The following SEMA3A variants were observed in gnomAD, a reference collection of about 807,000 sequenced individuals.
The protein encoded by SEMA3A is semaphorin 3A.
Under a neutral mutation model 97.9 loss-of-function variants are expected in SEMA3A, and 29 were observed. The observed-to-expected ratio is 0.30, with a 90% CI of 0.22 to 0.40. The LOEUF (loss-of-function observed/expected upper bound fraction) is 0.40. SEMA3A is among the 10% of genes least tolerant of loss of function. The pLI is 1.00. For synonymous variants in SEMA3A, 321 were observed against 323.7 expected, an observed-to-expected ratio of 0.99 and a Z score of 0.09; for missense variants, 763 against 951.3, an observed-to-expected ratio of 0.80 and a Z score of 2.60.
intron 1 of SEMA3A, among the ~76,000 whole-genome samples, chr7:84,455,685 T>C (rs1805669533): frequency 1.3e-5 from 2 of 151,996 alleles, no homozygotes; most frequent in African/African-American, 4.8e-5. Flanking sequence ...TACAGTTGTG[T>C]ACAATTAAGA....
At chr7:84,344,642 G>T (rs760024213) in intron 2 of SEMA3A, among the ~76,000 whole-genome samples, 2 of 152,204 alleles carry the variant, frequency 1.3e-5, no homozygotes, top group Non-Finnish European at 2.9e-5. Flanking sequence ...TTTGTTTGCA[G>T]TGTGCTCTGT....
chr7:84,249,057 C>A (rs149719793), intron 3 of SEMA3A, among the ~76,000 whole-genome samples: 2 of 152,222 alleles, frequency 1.3e-5, no homozygotes, highest in Admixed American at 6.5e-5. Context: ...TTCAACTTTT[C>A]GCTTCCCTGT....
chr7:84,206,077 A>G (rs1170790936), intron 3 of SEMA3A, among the ~76,000 whole-genome samples: 1 of 152,160 alleles, frequency 6.6e-6, no homozygotes, highest in East Asian at 1.9e-4. Context: ...GCTATCTAAC[A>G]GTGACGGGCT....
chr7:83,962,915 A>G (rs1788528206), intron 16 of SEMA3A, among the ~76,000 whole-genome samples: 1 of 152,186 alleles, frequency 6.6e-6, no homozygotes, highest in Non-Finnish European at 1.5e-5. Flanking sequence ...AAATAACACA[A>G]TTTCTTTGTA....
intron 1 of SEMA3A, among the ~76,000 whole-genome samples, chr7:84,449,191 G>A (rs1805500115): frequency 6.6e-6 from 1 of 152,062 alleles, no homozygotes; most frequent in Non-Finnish European, 1.5e-5. Context: ...AAAATACTTA[G>A]AGAAAACATA....
At chr7:84,208,747 G>A (rs1798558461) in intron 3 of SEMA3A, among the ~76,000 whole-genome samples, 1 of 152,160 alleles carries the variant, frequency 6.6e-6, no homozygotes, top group Non-Finnish European at 1.5e-5. Context: ...AGTTGGCTTT[G>A]ACCCATTTCC....
At chr7:84,051,409 T>C in intron 5 of SEMA3A, among the ~76,000 whole-genome samples, 1 of 152,232 alleles carries the variant, frequency 6.6e-6, no homozygotes, top group Non-Finnish European at 1.5e-5. Context: ...GTACTTCTCC[T>C]TAAAGAGGTC....
At chr7:84,175,904 G>A (rs1408170443) in intron 1 of SEMA3A, among the ~76,000 whole-genome samples, 1 of 152,082 alleles carries the variant, frequency 6.6e-6, no homozygotes, top group Non-Finnish European at 1.5e-5. Context: ...ACAAAAGAAT[G>A]CTCTGAAGTT....
intron 2 of SEMA3A, among the ~76,000 whole-genome samples, chr7:84,353,960 C>T (rs1472803109): frequency 6.6e-6 from 1 of 151,278 alleles, no homozygotes; most frequent in Non-Finnish European, 1.5e-5. Context: ...TGTCAGTTAC[C>T]TATTGAGAAC....
chr7:83,968,714 T>A (rs1368711044), intron 15 of SEMA3A, among the ~76,000 whole-genome samples: 39 of 152,086 alleles, frequency 2.6e-4, no homozygotes, highest in Non-Finnish European at 1.5e-5. Context: ...GCAACTCATC[T>A]TTTATATGTT....
intron 3 of SEMA3A, among the ~76,000 whole-genome samples, chr7:84,245,785 T>C (rs577331242): frequency 6.6e-6 from 1 of 152,150 alleles, no homozygotes; most frequent in African/African-American, 2.4e-5. Flanking sequence ...ATGAGGTGTC[T>C]GTTGACCCCT....
intron 6 of SEMA3A, among the ~76,000 whole-genome samples, chr7:84,022,515 T>A (rs1441673446): frequency 1.3e-5 from 2 of 152,240 alleles, no homozygotes; most frequent in Non-Finnish European, 2.9e-5. Context: ...TTTAATAATG[T>A]ATACAGCGAC....
At chr7:83,973,896 ATGG>A (rs1195972486) in intron 15 of SEMA3A, among the ~76,000 whole-genome samples, 13 of 116,114 alleles carry the variant, frequency 1.1e-4, no homozygotes, top group Non-Finnish European at 2.3e-4. Context: ...ATTAGTACTG[ATGG>A]TGTAGTTTTT....
At chr7:84,420,584 T>TA (rs1238083525) in intron 1 of SEMA3A, among the ~76,000 whole-genome samples, 54 of 152,014 alleles carry the variant, frequency 3.6e-4, no homozygotes, top group African/African-American at 1.2e-3. Context: ...GGCAAAAACT[T>TA]TTCTTATTTG....
At chr7:84,364,935 A>G (rs149077816) in intron 2 of SEMA3A, among the ~76,000 whole-genome samples, 7 of 151,594 alleles carry the variant, frequency 4.6e-5, no homozygotes, top group Non-Finnish European at 1.0e-4. Flanking sequence ...AATGCATCTG[A>G]CCAAATAAAG....
intron 4 of SEMA3A, among the ~76,000 whole-genome samples, chr7:84,061,795 G>T (rs1024087987): frequency 6.6e-6 from 1 of 152,090 alleles, no homozygotes; most frequent in Non-Finnish European, 1.5e-5. Flanking sequence ...CTGTGAATGA[G>T]AATTACCAAT....
intron 1 of SEMA3A, among the ~76,000 whole-genome samples, chr7:84,478,483 A>G (rs1253529115): frequency 6.6e-6 from 1 of 152,176 alleles, no homozygotes. Context: ...TGAAAATAAA[A>G]CCATGATATA....
chr7:84,206,837 TAAA>T (rs67630965), intron 3 of SEMA3A, among the ~76,000 whole-genome samples: 102 of 141,664 alleles, frequency 7.2e-4, no homozygotes, highest in Middle Eastern at 3.6e-3. Flanking sequence ...CAGGATATGG[TAAA>T]AAAAAAAAAT....
chr7:84,093,364 T>C (rs1425829750), intron 4 of SEMA3A, among the ~76,000 whole-genome samples: 1 of 152,138 alleles, frequency 6.6e-6, no homozygotes. Context: ...TTTTGCTGTG[T>C]TGCCATGAGA....
Sources: gnomAD v4.1 joint callset for allele counts (sites outside exome capture counted in the v4.1 genomes callset) on GRCh38, gnomAD v4.1.1 for gene constraint, MANE v1.5 for transcripts, NCBI Gene and HGNC (gene_info 2026-07-23, HGNC 2026-07-21) for gene names.